ARHGAP35: variants seen among roughly 807,000 people sequenced by gnomAD.
ARHGAP35 encodes the protein Rho GTPase activating protein 35.
A neutral mutation model predicts 111.1 loss-of-function variants in ARHGAP35; 15 were observed. That is an observed-to-expected ratio of 0.13 (90% CI 0.09 to 0.21). The LOEUF (loss-of-function observed/expected upper bound fraction) is 0.21, where lower values mean the gene tolerates loss of function less well. ARHGAP35 is among the 10% of genes least tolerant of loss of function. ARHGAP35 has a pLI of 1.00. For missense variants in ARHGAP35, 1,262 were observed against 1,873.0 expected (o/e 0.67, Z 6.02); for synonymous variants, 643 against 710.3 (o/e 0.91, Z 1.51).
At chr19:46,875,079 A>G (rs1419919749) in intron 1 of ARHGAP35, among the ~76,000 whole-genome samples, 4 of 151,868 alleles carry the variant, frequency 2.6e-5, no homozygotes, top group South Asian at 4.2e-4. Context: ...CAAGAAGTGC[A>G]GGGATTACAG....
chr19:46,979,225 A>G (rs958662742), intron 3 of ARHGAP35, among the ~76,000 whole-genome samples: 2 of 152,086 alleles, frequency 1.3e-5, no homozygotes, highest in Non-Finnish European at 2.9e-5. Flanking sequence ...TCGGAGTCAC[A>G]CTGCCATCAC....
At chr19:46,894,419 T>G (rs1418455934) in intron 1 of ARHGAP35, among the ~76,000 whole-genome samples, 3 of 151,806 alleles carry the variant, frequency 2.0e-5, no homozygotes, top group African/African-American at 7.3e-5. Flanking sequence ...TAATTGACTT[T>G]GGTTTACACT....
intron 1 of ARHGAP35, among the ~76,000 whole-genome samples, chr19:46,911,896 ATTTATC>A (rs2056139331): frequency 2.0e-5 from 3 of 152,140 alleles, no homozygotes; most frequent in Admixed American, 2.0e-4. Context: ...TTCTTCTCTA[ATTTATC>A]TTTATTCAAA....
intron 1 of ARHGAP35, among the ~76,000 whole-genome samples, chr19:46,897,447 CTTT>C (rs397749963): frequency 7.4e-5 from 10 of 135,094 alleles, no homozygotes; most frequent in Non-Finnish European, 8.1e-5. Context: ...TTTATTTTGT[CTTT>C]TTTTTTTTTT....
intron 3 of ARHGAP35, among the ~76,000 whole-genome samples, 170 bp from the exon 4 acceptor site, chr19:46,987,819 A>T (rs1457552071): frequency 1.3e-5 from 2 of 152,216 alleles, no homozygotes; most frequent in African/African-American, 2.4e-5. Context: ...TGGAGGTCAG[A>T]TGGGTTGAAG....
chr19:46,962,143 A>G (rs1403557506), intron 3 of ARHGAP35, among the ~76,000 whole-genome samples: 4 of 152,162 alleles, frequency 2.6e-5, no homozygotes, highest in African/African-American at 7.2e-5. Flanking sequence ...GTGAAAATCC[A>G]TCACCGTACA....
intron 3 of ARHGAP35, among the ~76,000 whole-genome samples, chr19:46,980,390 A>G (rs2056614743): frequency 6.6e-6 from 1 of 152,124 alleles, no homozygotes; most frequent in African/African-American, 2.4e-5. Context: ...TGTCATCTCA[A>G]AAATAATAAT....
rs1192252172 is a variant in ARHGAP35 at position 47,000,880 on chromosome 19, G to A, written c.*192G>A. The A allele has an allele frequency of 1.2e-5, 19 of 1,534,492 alleles. No homozygotes were observed. Among genetic ancestry groups the A allele is most frequent in the East Asian group, 4.9e-5 (2 of 40,872 alleles). ...GGCTGCCAGGTACCCTGGGCCTGGC[G>A]CTGCAGACCTGAGCTGGCTTGGACC... On this transcript the variant is annotated 3_prime_UTR_variant, in exon 7 of 7. Transcript: ENST00000672722. This position sits in a 1 kb window ranked among gnomAD's most constrained non-coding sequence, Gnocchi z 6.9.
chr19:46,933,048 A>G (rs1386620435), intron 2 of ARHGAP35, among the ~76,000 whole-genome samples: 1 of 152,032 alleles, frequency 6.6e-6, no homozygotes, highest in East Asian at 1.9e-4. Context: ...TTGCCAATTT[A>G]AAGTTCCCTG....
chr19:46,945,856 TG>T lies in ARHGAP35; in HGVS notation c.3826+8450del, dbSNP rs1241840163. ...GCTTTTGGCAGTGTGAGAGGAGGCA[TG>T]GCAACAGTGAGGAAATGATTTCCCT... On this transcript the variant is annotated intron_variant, in intron 3 of 6. Coordinates refer to ENST00000672722, the MANE Select transcript of ARHGAP35 (RefSeq NM_004491.5). This position sits in a 1 kb window ranked among gnomAD's most constrained non-coding sequence, Gnocchi z 4.1. 6.6e-6 allele frequency among the ~76,000 whole-genome samples: 1 copy of T among 152,218 alleles called. No individual in the cohort carries two copies. Among genetic ancestry groups the T allele is most frequent in the African/African-American group, 2.4e-5 (1 of 41,458 alleles).
Position 47,000,419 on chromosome 19 carries a change from A to T in ARHGAP35, c.4231A>T (p.Thr1411Ser), listed in dbSNP as rs1208180831. The T allele has an allele frequency of 1.9e-6, 3 of 1,613,732 alleles. No homozygotes were observed. Among genetic ancestry groups the T allele is most frequent in the East Asian group, 2.2e-5 (1 of 44,858 alleles). The change falls in exon 7 of 7, where the codon ACT (threonine) becomes TCT (serine). Residue 1411 changes from threonine to serine, a missense_variant. This residue lies in a region of ARHGAP35 where 23 missense variants were observed against 63.9 expected (regional missense o/e 0.36). Coordinates refer to ENST00000672722, the MANE Select transcript of ARHGAP35 (RefSeq NM_004491.5). This position sits in a 1 kb window ranked among gnomAD's most constrained non-coding sequence, Gnocchi z 6.9. The part of the protein sequence containing the change: ...WPTLMRPDFS[T>S]MDALTATRTY... ...CACCTTGATGAGACCTGATTTCAGC[A>T]CTATGGACGCCCTCACAGCCACGCG...
chr19:46,959,940 A>C (rs1386309673), intron 3 of ARHGAP35, among the ~76,000 whole-genome samples: 2 of 151,306 alleles, frequency 1.3e-5, no homozygotes, highest in Non-Finnish European at 2.9e-5. Flanking sequence ...TCTACAAAAA[A>C]AATTTTTTTT....
intron 3 of ARHGAP35, among the ~76,000 whole-genome samples, chr19:46,970,901 G>A (rs1463599347): frequency 2.0e-5 from 3 of 152,148 alleles, no homozygotes; most frequent in African/African-American, 7.2e-5. Context: ...TAGCTTCCCT[G>A]TGAGTCCATG....
chr19:46,895,815 G>A (rs2056052046), intron 1 of ARHGAP35, among the ~76,000 whole-genome samples: 1 of 152,094 alleles, frequency 6.6e-6, no homozygotes, highest in African/African-American at 2.4e-5. Context: ...AAAAATCTGT[G>A]AGGAAGGCCA....
intron 1 of ARHGAP35, among the ~76,000 whole-genome samples, chr19:46,899,984 G>A (rs889453284): frequency 2.0e-5 from 3 of 152,076 alleles, no homozygotes; most frequent in Non-Finnish European, 2.9e-5. Flanking sequence ...CTTGGGGCAA[G>A]TAATTGGAAT....
chr19:46,988,192 G>A lies in ARHGAP35; in HGVS notation c.3904+126G>A. On this transcript the variant is annotated intron_variant, in intron 4 of 6. Transcript: ENST00000672722. This position sits in a 1 kb window ranked among gnomAD's most constrained non-coding sequence, Gnocchi z 5.4. ...CACAGACCCAAAGCCACGAGGTGCT[G>A]AGACTGAGAAAGAGACCATGTGTGG... 7 of 875,488 alleles carry A rather than the reference G, an allele frequency of 8.0e-6. No individual in the cohort carries two copies. In the South Asian group the frequency reaches 9.0e-5, roughly 11 times the overall value. The allele number at this position is 875,488 out of a possible 1,614,324, so 54.2% of individuals were successfully genotyped here. A position where few individuals can be genotyped will look rare whatever the true frequency, so the allele number is the denominator to read the frequency against.
intron 3 of ARHGAP35, among the ~76,000 whole-genome samples, chr19:46,957,958 C>G (rs1156831490): frequency 6.6e-6 from 1 of 151,868 alleles, no homozygotes; most frequent in East Asian, 2.0e-4. Context: ...AGCTGGAGTG[C>G]AGTGGTGCGA....
chr19:46,897,193 C>T (rs1261616242), intron 1 of ARHGAP35, among the ~76,000 whole-genome samples: 1 of 152,100 alleles, frequency 6.6e-6, no homozygotes, highest in Non-Finnish European at 1.5e-5. Flanking sequence ...GCCATCGCGC[C>T]CAGCCTTCAG....
At chr19:46,942,166 T>C (rs968569560) in intron 3 of ARHGAP35, among the ~76,000 whole-genome samples, 1 of 152,190 alleles carries the variant, frequency 6.6e-6, no homozygotes, top group African/African-American at 2.4e-5. Flanking sequence ...TGGCAAGAAC[T>C]GTGAAGAGGA....
Sources: allele counts gnomAD v4.1 joint callset (sites outside exome capture counted in the v4.1 genomes callset), GRCh38; gene constraint gnomAD v4.1.1; regional missense constraint gnomAD v4.1.1; non-coding constraint Gnocchi (gnomAD v3.1); transcripts MANE v1.5; gene names NCBI Gene and HGNC (gene_info 2026-07-23, HGNC 2026-07-21).